The following ENOX1 variants were observed in gnomAD, a reference collection of about 807,000 sequenced individuals.
The protein encoded by ENOX1 is candidate growth-related and time keeping constitutive hydroquinone (NADH) oxidase.
ENOX1 carries 42 observed loss-of-function variants against 82.5 expected under a neutral mutation model. The ratio of observed to expected loss-of-function variants is 0.51; its 90% CI spans 0.40 to 0.66. The LOEUF (loss-of-function observed/expected upper bound fraction) is 0.66. Ranked by LOEUF, ENOX1 falls within the 30% of genes least tolerant of loss-of-function variation. ENOX1 has a pLI of 0.00. For synonymous variants in ENOX1, 271 were observed against 282.2 expected (o/e 0.96, Z 0.40); for missense variants, 608 against 811.6 (o/e 0.75, Z 3.05).
intron 7 of ENOX1, among the ~76,000 whole-genome samples, chr13:43,358,931 CACTGTCTACCTTAGGA>C (rs2050320503): frequency 6.6e-6 from 1 of 152,202 alleles, no homozygotes; most frequent in African/African-American, 2.4e-5. Context: ...TTCTCCATAT[CACTGTCTACCTTAGGA>C]AAGTCTCTGC....
intron 1 of ENOX1, among the ~76,000 whole-genome samples, chr13:43,751,374 G>A (rs897903162): frequency 6.6e-6 from 1 of 152,044 alleles, no homozygotes; most frequent in Non-Finnish European, 1.5e-5. Context: ...ATAGGTTTAT[G>A]GAATAATAGT....
At chr13:43,618,032 T>G (rs2153744239) in intron 2 of ENOX1, among the ~76,000 whole-genome samples, 1 of 152,318 alleles carries the variant, frequency 6.6e-6, no homozygotes, top group South Asian at 2.1e-4. Context: ...GTATATCTTC[T>G]TTTGAGAATT....
chr13:43,588,051 A>G (rs1258459220), intron 2 of ENOX1, among the ~76,000 whole-genome samples: 1 of 152,218 alleles, frequency 6.6e-6, no homozygotes, highest in Non-Finnish European at 1.5e-5. Flanking sequence ...GACCCAAATT[A>G]TGCTTCTGAA....
At chr13:43,470,363 TAC>T (rs61263377) in intron 3 of ENOX1, among the ~76,000 whole-genome samples, 4,848 of 26,772 alleles carry the variant, frequency 0.18, 974 homozygotes, top group African/African-American at 0.35. Context: ...TGTATATATA[TAC>T]GTATATATAT....
At chr13:43,506,767 A>C (rs956952647) in intron 2 of ENOX1, among the ~76,000 whole-genome samples, 7 of 145,328 alleles carry the variant, frequency 4.8e-5, no homozygotes, top group African/African-American at 1.8e-4. Context: ...GTTCTCACTC[A>C]TAGGTGGGAA....
intron 2 of ENOX1, among the ~76,000 whole-genome samples, chr13:43,588,969 G>A (rs1465645738): frequency 6.6e-6 from 1 of 152,112 alleles, no homozygotes; most frequent in Non-Finnish European, 1.5e-5. Flanking sequence ...CACTGGTACA[G>A]ATTTGGACTT....
At chr13:43,680,791 T>C (rs2085745854) in intron 1 of ENOX1, among the ~76,000 whole-genome samples, 1 of 152,158 alleles carries the variant, frequency 6.6e-6, no homozygotes, top group African/African-American at 2.4e-5. Flanking sequence ...TATTTTTTTA[T>C]AAGTAAAACT....
intron 11 of ENOX1, among the ~76,000 whole-genome samples, chr13:43,304,485 A>G (rs968944297): frequency 1.3e-5 from 2 of 152,164 alleles, no homozygotes; most frequent in African/African-American, 4.8e-5. Flanking sequence ...AGAAAGGAGT[A>G]AACCAGGGAC....
chr13:43,334,985 G>C (rs553514499), intron 9 of ENOX1, among the ~76,000 whole-genome samples: 2 of 152,158 alleles, frequency 1.3e-5, no homozygotes, highest in African/African-American at 4.8e-5. Context: ...TAGCTCCATC[G>C]CTAACTAGCT....
intron 14 of ENOX1, among the ~76,000 whole-genome samples, chr13:43,258,869 A>T (rs9562469): frequency 0.57 from 87,360 of 152,030 alleles, 25,961 homozygotes; most frequent in East Asian, 0.78. Context: ...CTTCAAGCTC[A>T]TCATTCCCAC....
At chr13:43,590,808 T>C (rs1278664776) in intron 2 of ENOX1, among the ~76,000 whole-genome samples, 1 of 149,754 alleles carries the variant, frequency 6.7e-6, no homozygotes, top group African/African-American at 2.5e-5. Context: ...AATGCCTATG[T>C]ATCAAAAGAT....
chr13:43,731,430 A>G (rs758978980), intron 1 of ENOX1, among the ~76,000 whole-genome samples: 2 of 152,144 alleles, frequency 1.3e-5, no homozygotes, highest in Non-Finnish European at 2.9e-5. Flanking sequence ...CCTGTTGAAG[A>G]TATTTCTCAG....
chr13:43,282,181 A>G (rs967932852), intron 12 of ENOX1, among the ~76,000 whole-genome samples: 1 of 152,148 alleles, frequency 6.6e-6, no homozygotes, highest in Non-Finnish European at 1.5e-5. Context: ...GATCTATTAC[A>G]TTGATAGATT....
At chr13:43,626,394 G>A (rs909004039) in intron 2 of ENOX1, among the ~76,000 whole-genome samples, 1 of 151,070 alleles carries the variant, frequency 6.6e-6, no homozygotes, top group African/African-American at 2.4e-5. Flanking sequence ...AGTTTTTTGG[G>A]GTGATAAATT....
chr13:43,510,518 A>T (rs903421357), intron 2 of ENOX1, among the ~76,000 whole-genome samples: 6 of 152,144 alleles, frequency 3.9e-5, no homozygotes, highest in African/African-American at 1.4e-4. Flanking sequence ...ATTAAATTCT[A>T]AAAGGTGAGC....
chr13:43,292,774 G>C (rs892259281), intron 12 of ENOX1, among the ~76,000 whole-genome samples: 1 of 151,532 alleles, frequency 6.6e-6, no homozygotes, highest in Non-Finnish European at 1.5e-5. Context: ...TGCCACTATG[G>C]CCCCTTCACC....
chr13:43,728,723 T>C (rs546133789), intron 1 of ENOX1, among the ~76,000 whole-genome samples: 2 of 152,316 alleles, frequency 1.3e-5, no homozygotes, highest in East Asian at 1.9e-4. Context: ...GAGGGGGATA[T>C]AGTAAGTAGT....
At chr13:43,299,620 C>G (rs550870637) in intron 11 of ENOX1, among the ~76,000 whole-genome samples, 166 of 152,274 alleles carry the variant, frequency 1.1e-3, no homozygotes, top group African/African-American at 3.9e-3. Context: ...TACCATCGGT[C>G]CATGTGTTTA....
intron 3 of ENOX1, among the ~76,000 whole-genome samples, chr13:43,479,973 CT>C (rs1026089233): frequency 2.1e-4 from 32 of 150,756 alleles, no homozygotes; most frequent in African/African-American, 7.8e-4. Context: ...TGTTCTCTTG[CT>C]GCCCAGGCTG....
Sources: gnomAD v4.1 joint callset for allele counts (sites outside exome capture counted in the v4.1 genomes callset) on GRCh38, gnomAD v4.1.1 for gene constraint, MANE v1.5 for transcripts, NCBI Gene and HGNC (gene_info 2026-07-23, HGNC 2026-07-21) for gene names.